Variants in ADAMTS20 observed in about 807,000 individuals in gnomAD.
ADAMTS20 encodes the protein ADAM metallopeptidase with thrombospondin type 1 motif 20.
In ADAMTS20, 225 loss-of-function variants were observed where a neutral mutation model predicts 260.1. That is an observed-to-expected ratio of 0.87 (90% CI 0.78 to 0.97). The LOEUF (loss-of-function observed/expected upper bound fraction) is 0.97, where lower values mean the gene tolerates loss of function less well. Among genes scored for constraint, ADAMTS20 ranks in the 50% least tolerant of loss-of-function variants. ADAMTS20 has a pLI of 0.00. For missense variants in ADAMTS20, 2,400 were observed against 2,337.7 expected (o/e 1.03, Z -0.55); for synonymous variants, 802 against 769.5 (o/e 1.04, Z -0.70).
At chr12:43,487,772 C>A (rs1010283533) in intron 7 of ADAMTS20, among the ~76,000 whole-genome samples, 4 of 152,002 alleles carry the variant, frequency 2.6e-5, no homozygotes, top group South Asian at 4.2e-4. Context: ...CCAAAATATT[C>A]TTGAAGAAAA....
intron 4 of ADAMTS20, among the ~76,000 whole-genome samples, chr12:43,499,312 G>A (rs2137441647): frequency 6.6e-6 from 1 of 152,192 alleles, no homozygotes; most frequent in East Asian, 1.9e-4. Context: ...TCCAGAAAAT[G>A]ATAAGCACAT....
intron 27 of ADAMTS20, 67 bp from the exon 28 acceptor site, chr12:43,425,757 T>C (rs1410534351): frequency 2.8e-6 from 3 of 1,067,108 alleles, no homozygotes; most frequent in Non-Finnish European, 3.8e-6. Context: ...CTTCATTCAA[T>C]GTTTAAACAT....
At chr12:43,373,890 G>T (rs910096077) in intron 36 of ADAMTS20, among the ~76,000 whole-genome samples, 3 of 151,180 alleles carry the variant, frequency 2.0e-5, no homozygotes, top group African/African-American at 7.3e-5. Flanking sequence ...CGTTTTAGCC[G>T]GGATGGTCTC....
intron 30 of ADAMTS20, 37 bp downstream of exon 30, chr12:43,383,766 TA>T: frequency 6.2e-7 from 1 of 1,613,556 alleles, no homozygotes; most frequent in Non-Finnish European, 8.5e-7. Flanking sequence ...CACATTCTTA[TA>T]TGCAGTGTCT....
chr12:43,384,218 T>C (rs889761954), intron 29 of ADAMTS20, among the ~76,000 whole-genome samples: 1 of 152,232 alleles, frequency 6.6e-6, no homozygotes, highest in African/African-American at 2.4e-5. Context: ...CAAGTTATAG[T>C]AGACAGCATC....
chr12:43,493,411 C>T (rs932581923), intron 4 of ADAMTS20, among the ~76,000 whole-genome samples, 158 bp from the exon 5 acceptor site: 5 of 152,214 alleles, frequency 3.3e-5, no homozygotes, highest in African/African-American at 9.6e-5. Flanking sequence ...GTTCAGACCA[C>T]ATCCCTTACC....
intron 29 of ADAMTS20, among the ~76,000 whole-genome samples, chr12:43,385,681 C>G (rs1488795678): frequency 6.6e-6 from 1 of 152,126 alleles, no homozygotes; most frequent in Non-Finnish European, 1.5e-5. Flanking sequence ...AGCCAGTTTT[C>G]CCAACACCAT....
chr12:43,517,293 C>A (rs4768507), intron 3 of ADAMTS20, among the ~76,000 whole-genome samples: 56,522 of 151,588 alleles, frequency 0.37, 11,325 homozygotes, highest in East Asian at 0.83. Context: ...ACCAAGGTAC[C>A]GAATCCAAAA....
chr12:43,359,503 T>C (rs1419641901), intron 37 of ADAMTS20, among the ~76,000 whole-genome samples: 2 of 152,208 alleles, frequency 1.3e-5, no homozygotes, highest in East Asian at 1.9e-4. Flanking sequence ...GGAGAGTTGA[T>C]TCTAAAATTT....
intron 6 of ADAMTS20, among the ~76,000 whole-genome samples, chr12:43,492,212 C>T (rs1329919293): frequency 6.6e-6 from 1 of 151,876 alleles, no homozygotes; most frequent in Non-Finnish European, 1.5e-5. Flanking sequence ...AACCCCGTCT[C>T]TACTAAAAAT....
chr12:43,421,558 C>T (rs937846566), intron 28 of ADAMTS20, among the ~76,000 whole-genome samples: 7 of 152,060 alleles, frequency 4.6e-5, no homozygotes, highest in Non-Finnish European at 8.8e-5. Flanking sequence ...TTGTGTTACA[C>T]GTAATGTCCC....
chr12:43,466,936 T>A (rs1942165255), intron 8 of ADAMTS20, 141 bp from the exon 9 acceptor site: 1 of 637,422 alleles, frequency 1.6e-6, no homozygotes. Context: ...CATCTATCCA[T>A]AAGGCCTTAA....
At chr12:43,522,279 T>C (rs1469201957) in intron 3 of ADAMTS20, among the ~76,000 whole-genome samples, 2 of 152,120 alleles carry the variant, frequency 1.3e-5, no homozygotes, top group Non-Finnish European at 2.9e-5. Flanking sequence ...GACCCACTCA[T>C]TATCATGAGA....
chr12:43,487,591 A>C (rs1260561385), intron 7 of ADAMTS20, among the ~76,000 whole-genome samples: 2 of 152,192 alleles, frequency 1.3e-5, no homozygotes, highest in Non-Finnish European at 2.9e-5. Context: ...TAAAAAAATT[A>C]ATAAATTAAA....
chr12:43,413,874 C>A (rs1941078897), intron 28 of ADAMTS20, among the ~76,000 whole-genome samples: 1 of 152,122 alleles, frequency 6.6e-6, no homozygotes, highest in South Asian at 2.1e-4. Context: ...CCATATCCCA[C>A]CACACTCCTA....
Position 43,532,101 on chromosome 12 carries a change from T to C in ADAMTS20, c.548A>G (p.His183Arg). 1 of 1,612,408 alleles carries C rather than the reference T, an allele frequency of 6.2e-7. No homozygotes were observed. The highest frequency in any genetic ancestry group is 8.5e-7 in the Non-Finnish European group (1 of 1,179,200). ...NEYEDGHNKP[H>R]LIYRQDLNNS... ...ATTTAAGTCTTGTCTGTATATAAGA[T>C]GTGGCTTGTTGTGACCATCTTCATA... The change falls in exon 3 of 39, where the codon CAT becomes CGT. Residue 183 changes from histidine (H) to arginine (R), a missense_variant. Physicochemically the swap from His to Arg is conservative, Grantham distance 29. Coordinates refer to ENST00000389420, the MANE Select transcript of ADAMTS20 (RefSeq NM_025003.5).
intron 2 of ADAMTS20, among the ~76,000 whole-genome samples, chr12:43,548,617 C>A (rs2137533688): frequency 6.6e-6 from 1 of 152,106 alleles, no homozygotes; most frequent in Admixed American, 6.5e-5. Context: ...AAATAGGTAG[C>A]TAATATCCGT....
chr12:43,475,852 A>G (rs11182102), intron 7 of ADAMTS20, among the ~76,000 whole-genome samples: 23,322 of 130,766 alleles, frequency 0.18, 2,447 homozygotes, highest in Middle Eastern at 0.31. Flanking sequence ...TTTAAGATGG[A>G]TTAAAGATTT....
At chr12:43,437,766 GGAA>G (rs1941584248) in intron 18 of ADAMTS20, among the ~76,000 whole-genome samples, 1 of 151,922 alleles carries the variant, frequency 6.6e-6, no homozygotes, top group Non-Finnish European at 1.5e-5. Context: ...TAGAAAACAG[GGAA>G]TCTAACACAG....
Sources: gnomAD v4.1 joint callset for allele counts (sites outside exome capture counted in the v4.1 genomes callset) on GRCh38, gnomAD v4.1.1 for gene constraint, MANE v1.5 for transcripts, NCBI Gene and HGNC (gene_info 2026-07-23, HGNC 2026-07-21) for gene names.